NRXN3: variants seen among roughly 807,000 people sequenced by gnomAD.
NRXN3 encodes the protein neurexin III.
A neutral mutation model predicts 137.6 loss-of-function variants in NRXN3; 32 were observed. The observed-to-expected ratio is 0.23, with a 90% CI of 0.18 to 0.31. The LOEUF is 0.31. Among genes scored for constraint, NRXN3 ranks in the 10% least tolerant of loss-of-function variants. The pLI, the probability that NRXN3 is intolerant of heterozygous loss-of-function variation, is 1.00. For synonymous variants in NRXN3, 798 were observed against 784.5 expected (o/e 1.02, Z -0.29); for missense variants, 1,574 against 2,062.5 (o/e 0.76, Z 4.59).
intron 15 of NRXN3, among the ~76,000 whole-genome samples, chr14:79,222,261 T>C (rs2069878188): frequency 1.3e-5 from 2 of 152,190 alleles, no homozygotes; most frequent in Admixed American, 1.3e-4. Flanking sequence ...CCATATGAAA[T>C]ATGAAGTAGT....
chr14:79,831,688 C>A (rs375951485), intron 20 of NRXN3, among the ~76,000 whole-genome samples: 1 of 152,078 alleles, frequency 6.6e-6, no homozygotes, highest in African/African-American at 2.4e-5. Flanking sequence ...TCATGAGAGA[C>A]TAAGAACTGA....
intron 14 of NRXN3, 30 bp from the exon 15 acceptor site, chr14:78,987,992 T>C: frequency 6.3e-7 from 1 of 1,588,272 alleles, no homozygotes; most frequent in Non-Finnish European, 8.6e-7. Flanking sequence ...CTCCTTTTTC[T>C]TTTTTTCCCC....
intron 15 of NRXN3, chr14:79,280,311 C>T (rs1262969226): frequency 6.2e-7 from 1 of 1,613,988 alleles, no homozygotes; most frequent in Non-Finnish European, 8.5e-7. Context: ...AGAATCCACG[C>T]GAGACGGAGC....
At chr14:79,764,170 G>T (rs868795594) in intron 19 of NRXN3, among the ~76,000 whole-genome samples, 7 of 149,038 alleles carry the variant, frequency 4.7e-5, no homozygotes, top group African/African-American at 9.9e-5. Flanking sequence ...GTGGGTGGGG[G>T]GGGTGTTAAG....
At chr14:78,605,166 G>A (rs975319370) in intron 4 of NRXN3, among the ~76,000 whole-genome samples, 1 of 152,110 alleles carries the variant, frequency 6.6e-6, no homozygotes, top group African/African-American at 2.4e-5. Context: ...GTCCTTTTGA[G>A]TTTTAAGTCA....
intron 4 of NRXN3, among the ~76,000 whole-genome samples, chr14:78,600,801 A>G (rs954370786): frequency 4.6e-5 from 7 of 152,338 alleles, no homozygotes; most frequent in African/African-American, 1.7e-4. Context: ...ACCTGAATTT[A>G]TCCTCTGCTC....
At chr14:78,609,813 A>T (rs1344594247) in intron 4 of NRXN3, among the ~76,000 whole-genome samples, 1 of 152,194 alleles carries the variant, frequency 6.6e-6, no homozygotes, top group African/African-American at 2.4e-5. Context: ...CTACAGGCAC[A>T]AGTACTAATG....
chr14:78,704,178 A>G (rs1320401416), intron 6 of NRXN3, among the ~76,000 whole-genome samples: 1 of 152,200 alleles, frequency 6.6e-6, no homozygotes, highest in Admixed American at 6.5e-5. Context: ...ACCTTGGAAG[A>G]ATTTGAAGTA....
At chr14:79,399,008 CAAAAAAAAAAA>C (rs34172134) in intron 15 of NRXN3, among the ~76,000 whole-genome samples, 4 of 76,168 alleles carry the variant, frequency 5.3e-5, no homozygotes, top group South Asian at 6.2e-4. Flanking sequence ...GACTCCATCT[CAAAAAAAAAAA>C]AAAAAAAAGA....
chr14:79,063,078 C>G (rs544445722), intron 15 of NRXN3, among the ~76,000 whole-genome samples: 1 of 152,166 alleles, frequency 6.6e-6, no homozygotes, highest in African/African-American at 2.4e-5. Flanking sequence ...TTGGTGTGTT[C>G]AACTGTGGAC....
intron 10 of NRXN3, among the ~76,000 whole-genome samples, chr14:78,816,582 A>G (rs2098933957): frequency 6.6e-6 from 1 of 152,164 alleles, no homozygotes; most frequent in African/African-American, 2.4e-5. Context: ...AATTTTTCTC[A>G]GCTTTTTACT....
chr14:78,584,325 C>T (rs1307624838), intron 4 of NRXN3, among the ~76,000 whole-genome samples: 3 of 152,088 alleles, frequency 2.0e-5, no homozygotes, highest in East Asian at 3.9e-4. Flanking sequence ...ATCTAAAATG[C>T]GACTCTTTTC....
At chr14:78,845,289 A>C (rs1400187758) in intron 10 of NRXN3, among the ~76,000 whole-genome samples, 4 of 152,072 alleles carry the variant, frequency 2.6e-5, no homozygotes, top group Admixed American at 6.6e-5. Context: ...TGTTAATTTT[A>C]CAGTTTTTTA....
chr14:78,902,986 A>C lies in NRXN3; in HGVS notation c.2276-54256A>C, dbSNP rs1297831056. 2.0e-5 allele frequency among the ~76,000 whole-genome samples: 3 copies of C among 151,746 alleles called. No homozygotes were observed. The East Asian group carries it at 5.8e-4, about 30-fold the overall frequency. Reference sequence around the variant, plus strand: ...CTTTTCAAGGTAATTCTTTCATTTCAGATAAAATGTTATTCTCTCTGTGAA... The same window carrying C: ...CTTTTCAAGGTAATTCTTTCATTTCCGATAAAATGTTATTCTCTCTGTGAA... On this transcript the variant is annotated intron_variant, in intron 10 of 20. Coordinates refer to ENST00000335750, the MANE Select transcript of NRXN3 (RefSeq NM_001330195.2).
At chr14:78,300,312 C>T (rs150969563) in intron 4 of NRXN3, among the ~76,000 whole-genome samples, 15 of 152,328 alleles carry the variant, frequency 9.8e-5, no homozygotes, top group African/African-American at 3.4e-4. Context: ...TAAGTGCATG[C>T]AATTTCACAT....
chr14:78,844,006 A>G (rs2099019890), intron 10 of NRXN3, among the ~76,000 whole-genome samples: 1 of 152,038 alleles, frequency 6.6e-6, no homozygotes, highest in Non-Finnish European at 1.5e-5. Flanking sequence ...GGCTTACAAA[A>G]ATACAAACTC....
intron 4 of NRXN3, among the ~76,000 whole-genome samples, chr14:78,355,387 T>C (rs1452974694): frequency 1.3e-5 from 2 of 152,066 alleles, no homozygotes; most frequent in Admixed American, 1.3e-4. Flanking sequence ...ATGAACCCAT[T>C]TCTTTCAGTC....
At chr14:79,569,514 T>C (rs1480880045) in intron 16 of NRXN3, among the ~76,000 whole-genome samples, 2 of 151,946 alleles carry the variant, frequency 1.3e-5, no homozygotes, top group Non-Finnish European at 2.9e-5. Context: ...AGTTTAGAAA[T>C]TGAGTAGTTC....
At chr14:79,498,190 A>G (rs1010786612) in intron 16 of NRXN3, among the ~76,000 whole-genome samples, 1 of 152,240 alleles carries the variant, frequency 6.6e-6, no homozygotes, top group African/African-American at 2.4e-5. Flanking sequence ...AGGGCTAAAA[A>G]TAGATGAAAG....
Sources: allele counts gnomAD v4.1 joint callset (sites outside exome capture counted in the v4.1 genomes callset), GRCh38; gene constraint gnomAD v4.1.1; transcripts MANE v1.5; gene names NCBI Gene and HGNC (gene_info 2026-07-23, HGNC 2026-07-21).